Variants in AFG2A observed in about 807,000 individuals in gnomAD.
AFG2A encodes the protein AAA ATPase AFG2A.
At chr4:123,246,799 G>C in the AFG2A span, among the ~76,000 whole-genome samples, 3 of 152,102 alleles carry the variant, frequency 2.0e-5, no homozygotes, top group Admixed American at 2.0e-4. Flanking sequence ...CCCAGGAATG[G>C]TTTGTGCACT....
chr4:122,977,661 G>A, the AFG2A span, among the ~76,000 whole-genome samples: 1 of 152,240 alleles, frequency 6.6e-6, no homozygotes, highest in African/African-American at 2.4e-5. Flanking sequence ...AGTCCTGTTT[G>A]TGTTACAGCT....
the AFG2A span, chr4:123,028,295 C>T: frequency 6.2e-7 from 1 of 1,614,144 alleles, no homozygotes; most frequent in South Asian, 1.1e-5. Context: ...GGTATTCAGC[C>T]ACCTAAAGGA....
chr4:123,051,463 G>A, the AFG2A span, among the ~76,000 whole-genome samples: 1 of 151,820 alleles, frequency 6.6e-6, no homozygotes, highest in African/African-American at 2.4e-5. Context: ...TTAACAAATT[G>A]TACTTGTAAT....
At chr4:123,042,143 GT>G in the AFG2A span, among the ~76,000 whole-genome samples, 3 of 152,274 alleles carry the variant, frequency 2.0e-5, no homozygotes, top group South Asian at 6.2e-4. Flanking sequence ...CATTGTGAAG[GT>G]AATTGTCTTA....
At chr4:123,219,371 G>A in the AFG2A span, among the ~76,000 whole-genome samples, 1 of 152,146 alleles carries the variant, frequency 6.6e-6, no homozygotes, top group Admixed American at 6.6e-5. Context: ...TGCATTGAAG[G>A]GTATTGCTTT....
At chr4:123,089,362 T>C in the AFG2A span, among the ~76,000 whole-genome samples, 2 of 152,330 alleles carry the variant, frequency 1.3e-5, no homozygotes, top group East Asian at 3.9e-4. Context: ...CCTTCTACTT[T>C]ACGTCCTCTT....
At chr4:123,090,335 T>C in the AFG2A span, among the ~76,000 whole-genome samples, 8 of 152,324 alleles carry the variant, frequency 5.3e-5, no homozygotes, top group East Asian at 1.5e-3. Context: ...ATTTCTGACA[T>C]TTATTTAAAT....
chr4:123,077,016 G>A, the AFG2A span, among the ~76,000 whole-genome samples: 1 of 148,964 alleles, frequency 6.7e-6, no homozygotes, highest in Non-Finnish European at 1.5e-5. Flanking sequence ...GTGTGCATGT[G>A]TGTAAGTGAA....
chr4:123,283,887 A>C, the AFG2A span, among the ~76,000 whole-genome samples: 1 of 152,164 alleles, frequency 6.6e-6, no homozygotes, highest in African/African-American at 2.4e-5. Flanking sequence ...TTACAGCATA[A>C]GTTTGCGCAC....
chr4:123,133,548 T>G, the AFG2A span, among the ~76,000 whole-genome samples: 1 of 152,014 alleles, frequency 6.6e-6, no homozygotes, highest in Admixed American at 6.5e-5. Context: ...TTTATATATA[T>G]TTTTTGTTTG....
At chr4:123,180,216 T>A in the AFG2A span, among the ~76,000 whole-genome samples, 1 of 152,148 alleles carries the variant, frequency 6.6e-6, no homozygotes, top group Non-Finnish European at 1.5e-5. Flanking sequence ...TGAGACTCTG[T>A]CTCAGAAAAA....
At chr4:123,279,530 C>T in the AFG2A span, among the ~76,000 whole-genome samples, 5 of 152,082 alleles carry the variant, frequency 3.3e-5, no homozygotes, top group African/African-American at 1.2e-4. Context: ...AAATTTGAAT[C>T]CCATCTCTGC....
At chr4:123,153,843 G>GA in the AFG2A span, among the ~76,000 whole-genome samples, 1 of 151,946 alleles carries the variant, frequency 6.6e-6, no homozygotes, top group Non-Finnish European at 1.5e-5. Context: ...AAATACAAAG[G>GA]AAAAAAAGTA....
chr4:123,237,930 A>G, the AFG2A span, among the ~76,000 whole-genome samples: 2 of 152,178 alleles, frequency 1.3e-5, no homozygotes, highest in Non-Finnish European at 2.9e-5. Context: ...AGCCAAGGGA[A>G]GCCATGACAG....
chr4:123,061,679 G>A, the AFG2A span, among the ~76,000 whole-genome samples: 2 of 152,150 alleles, frequency 1.3e-5, no homozygotes, highest in Non-Finnish European at 2.9e-5. Flanking sequence ...CATACCAGCT[G>A]CCCTGCTTTC....
At chr4:123,052,680 T>A in the AFG2A span, among the ~76,000 whole-genome samples, 1 of 152,186 alleles carries the variant, frequency 6.6e-6, no homozygotes, top group Non-Finnish European at 1.5e-5. Flanking sequence ...GGAGACTGTA[T>A]TAGGGTTCTC....
At chr4:123,124,622 G>A in the AFG2A span, among the ~76,000 whole-genome samples, 1 of 151,998 alleles carries the variant, frequency 6.6e-6, no homozygotes, top group South Asian at 2.1e-4. Flanking sequence ...ATGTACCCTG[G>A]AACTTAAAGT....
chr4:123,058,322 C>T, the AFG2A span, among the ~76,000 whole-genome samples: 2 of 152,156 alleles, frequency 1.3e-5, no homozygotes, highest in Non-Finnish European at 2.9e-5. Flanking sequence ...AGGGGAAACC[C>T]CTTATAAAAC....
the AFG2A span, among the ~76,000 whole-genome samples, chr4:123,177,297 A>G: frequency 6.6e-6 from 1 of 151,590 alleles, no homozygotes; most frequent in Non-Finnish European, 1.5e-5. Context: ...GGTTCAAGCA[A>G]TTCTCCTGCC....
Sources: gnomAD v4.1 joint callset for allele counts (sites outside exome capture counted in the v4.1 genomes callset) on GRCh38, gnomAD v4.1.1 for gene constraint, MANE v1.5 for transcripts, NCBI Gene and HGNC (gene_info 2026-07-23, HGNC 2026-07-21) for gene names.